Variants in CD46 observed in about 807,000 individuals in gnomAD.
CD46 encodes the protein membrane cofactor protein.
CD46 carries 30 observed loss-of-function variants against 53.3 expected under a neutral mutation model. That is an observed-to-expected ratio of 0.56 (90% CI 0.42 to 0.76). The LOEUF is 0.76. Among genes scored for constraint, CD46 ranks in the 30% least tolerant of loss-of-function variants. CD46 has a pLI of 0.00. For missense variants in CD46, 409 were observed against 463.0 expected (o/e 0.88, Z 1.07); for synonymous variants, 142 against 152.0 (o/e 0.93, Z 0.48).
At chr1:207,755,594 T>C (rs942323859) in intron 1 of CD46, among the ~76,000 whole-genome samples, 5 of 152,226 alleles carry the variant, frequency 3.3e-5, no homozygotes, top group Non-Finnish European at 7.3e-5. Flanking sequence ...CGCAATCTCC[T>C]GTTGTGCGTG....
At chr1:207,786,214 G>T (rs1173985946) in intron 11 of CD46, among the ~76,000 whole-genome samples, 1 of 152,102 alleles carries the variant, frequency 6.6e-6, no homozygotes, top group Non-Finnish European at 1.5e-5. Flanking sequence ...TAAACTGGGG[G>T]ATTCAAAACA....
chr1:207,785,705 T>C lies in CD46; in HGVS notation c.1082+23T>C, dbSNP rs758557138. ...AGGGTAAATTAAAGCATGTTTCTTT[T>C]AACTTCTTGGTCCTTCTTATACTTA... On this transcript the variant is annotated intron_variant, in intron 11 of 12. Coordinates refer to ENST00000367042, the MANE Select transcript of CD46 (RefSeq NM_172351.3). The C allele has an allele frequency of 8.0e-6, 12 of 1,509,280 alleles. No homozygotes were observed. The East Asian group carries it at 2.7e-4, about 34-fold the overall frequency. The allele number at this position is 1,509,280 out of a possible 1,614,324, so 93.5% of individuals were successfully genotyped here.
chr1:207,781,626 C>CT (rs1021145877), intron 8 of CD46, among the ~76,000 whole-genome samples: 2 of 152,092 alleles, frequency 1.3e-5, no homozygotes, highest in African/African-American at 2.4e-5. Context: ...TCCAGCTTCA[C>CT]TTTTTTTGCA....
chr1:207,774,963 A>G lies in CD46; in HGVS notation c.943+4601A>G, dbSNP rs137936657. On this transcript the variant is annotated intron_variant, in intron 8 of 12. Coordinates refer to ENST00000367042, the MANE Select transcript of CD46 (RefSeq NM_172351.3). ...TAGTTTAGGGAAGTCCTCGTGGACA[A>G]TATCCTGAAGAGTGTTTTCTAACTT... 1.4e-3 allele frequency among the ~76,000 whole-genome samples: 207 copies of G among 152,348 alleles called. 1 individual carries two copies. The highest frequency in any genetic ancestry group is 5.4e-3 in the Admixed American group (83 of 15,302).
chr1:207,793,456 G>A (rs976109506), intron 12 of CD46, 63 bp from the exon 13 acceptor site: 1 of 1,272,000 alleles, frequency 7.9e-7, no homozygotes, highest in Non-Finnish European at 1.1e-6. Flanking sequence ...TAGGCTTCTG[G>A]AATTTAATTT....
At position 207,767,213 on chromosome 1, in the gene CD46, T is replaced by C. The variant is rs769658537; in HGVS notation, c.856+18T>C. ...TCTTAAAGGTACAAAGGTTATCTTTTTTCTGTCTTGGTTTGTTATTGTTGT... is the reference window on the plus strand; with the variant it reads ...TCTTAAAGGTACAAAGGTTATCTTTCTTCTGTCTTGGTTTGTTATTGTTGT... On this transcript the variant is annotated intron_variant, in intron 6 of 12. Coordinates refer to ENST00000367042, the MANE Select transcript of CD46 (RefSeq NM_172351.3). 2.0e-5 allele frequency: 32 copies of C among 1,602,744 alleles called. No individual in the cohort carries two copies. Among genetic ancestry groups the C allele is most frequent in the Non-Finnish European group, 2.7e-5 (31 of 1,169,610 alleles).
intron 11 of CD46, among the ~76,000 whole-genome samples, chr1:207,787,879 A>G (rs910485320): frequency 6.6e-6 from 1 of 152,140 alleles, no homozygotes; most frequent in Non-Finnish European, 1.5e-5. Context: ...GTCTAGAGGA[A>G]TGTTTCTCTG....
intron 8 of CD46, among the ~76,000 whole-genome samples, chr1:207,780,020 A>T (rs888832921): frequency 1.4e-5 from 2 of 146,752 alleles, no homozygotes; most frequent in African/African-American, 5.0e-5. Flanking sequence ...TTCCAAATAA[A>T]CTTTTTATCT....
chr1:207,752,153 G>C lies in CD46; in HGVS notation c.-60G>C. The stretch of plus-strand genomic sequence containing the variant: ...GGACCCAGAAGGGACTTCCCTGCTC[G>C]GCTGGCTCTCGGTTTCTCTGCTTTC... On this transcript the variant is annotated 5_prime_UTR_variant, in exon 1 of 13. Transcript: ENST00000367042. This position sits in a 1 kb window ranked among gnomAD's most constrained non-coding sequence, Gnocchi z 4.1. 1.3e-6 allele frequency: 2 copies of C among 1,502,278 alleles called. No homozygotes were observed. Among genetic ancestry groups the C allele is most frequent in the Non-Finnish European group, 1.8e-6 (2 of 1,083,854 alleles). The allele number at this position is 1,502,278 out of a possible 1,614,324, so 93.1% of individuals were successfully genotyped here. A position where few individuals can be genotyped will look rare whatever the true frequency, so the allele number is the denominator to read the frequency against.
intron 5 of CD46, among the ~76,000 whole-genome samples, chr1:207,764,966 A>T (rs1656679701): frequency 6.6e-6 from 1 of 152,232 alleles, no homozygotes. Flanking sequence ...CATTGTCCTT[A>T]TACGAAAACC....
chr1:207,770,815 G>A (rs1042122963), intron 8 of CD46, among the ~76,000 whole-genome samples: 16 of 152,120 alleles, frequency 1.1e-4, no homozygotes, highest in African/African-American at 2.7e-4. Context: ...ATGGACATTC[G>A]GGTTGGTTCC....
At chr1:207,763,507 G>A (rs969066331) in intron 5 of CD46, among the ~76,000 whole-genome samples, 4 of 152,160 alleles carry the variant, frequency 2.6e-5, no homozygotes, top group Non-Finnish European at 4.4e-5. Flanking sequence ...ACAGCCCTGC[G>A]CCCCTCATCA....
rs1206865927 is a variant in CD46, at chr1:207,767,776, C to T, written c.857-3C>T. The stretch of plus-strand genomic sequence containing the variant: ...CAATCTACATTATTATTTTGTTTTC[C>T]AGTGTCGACTTCTTCCACTACAAAA... On this transcript the variant is annotated splice_region_variant and splice_polypyrimidine_tract_variant and intron_variant, in intron 6 of 12. Coordinates refer to ENST00000367042, the MANE Select transcript of CD46 (RefSeq NM_172351.3). 8 of 1,612,282 alleles carry T rather than the reference C, an allele frequency of 5.0e-6. No individual in the cohort carries two copies. The African/African-American group carries it at 9.4e-5, about 19-fold the overall frequency.
chr1:207,787,512 C>T (rs1659381837), intron 11 of CD46, among the ~76,000 whole-genome samples: 1 of 152,076 alleles, frequency 6.6e-6, no homozygotes, highest in African/African-American at 2.4e-5. Context: ...AGCATAGGGT[C>T]CAACTGACAG....
intron 8 of CD46, among the ~76,000 whole-genome samples, chr1:207,777,953 A>AT (rs1658297208): frequency 6.6e-6 from 1 of 152,012 alleles, no homozygotes; most frequent in Admixed American, 6.6e-5. Context: ...AGCATCTATT[A>AT]TTTTTTGACT....
At chr1:207,756,425 G>A (rs890559401) in intron 1 of CD46, among the ~76,000 whole-genome samples, 1 of 152,162 alleles carries the variant, frequency 6.6e-6, no homozygotes, top group Non-Finnish European at 1.5e-5. Flanking sequence ...TCCAAACTAG[G>A]GTTGTTTTGA....
chr1:207,790,378 C>A, intron 12 of CD46, 33 bp downstream of exon 12: 1 of 1,121,728 alleles, frequency 8.9e-7, no homozygotes. Context: ...TTTCAGATGT[C>A]CTTTCTTTTG....
chr1:207,755,554 A>G (rs1216883880), intron 1 of CD46, among the ~76,000 whole-genome samples: 1 of 152,236 alleles, frequency 6.6e-6, no homozygotes, highest in Non-Finnish European at 1.5e-5. Flanking sequence ...TCATTCCTCC[A>G]GAAGAGGAGC....
At chr1:207,787,363 C>T (rs4844619) in intron 11 of CD46, among the ~76,000 whole-genome samples, 29,973 of 152,010 alleles carry the variant, frequency 0.2, 3,092 homozygotes, top group Admixed American at 0.24. Flanking sequence ...TGAGCCACCG[C>T]GCCCGGCCTT....
Sources: gnomAD v4.1 joint callset for allele counts (sites outside exome capture counted in the v4.1 genomes callset) on GRCh38, gnomAD v4.1.1 for gene constraint, Gnocchi (gnomAD v3.1) non-coding constraint, MANE v1.5 for transcripts, NCBI Gene and HGNC (gene_info 2026-07-23, HGNC 2026-07-21) for gene names.